The following TEKT5 variants were observed in gnomAD, a reference collection of about 807,000 sequenced individuals.
TEKT5 encodes tektin 5, also known as tektin-5.
Under a neutral mutation model 48.7 loss-of-function variants are expected in TEKT5, and 52 were observed. The ratio of observed to expected loss-of-function variants is 1.07; its 90% CI spans 0.86 to 1.35. TEKT5 has a LOEUF of 1.35. TEKT5 is among the 40% of genes most tolerant of loss of function. The pLI, the probability that TEKT5 is intolerant of heterozygous loss-of-function variation, is 0.00. For missense variants in TEKT5, 831 were observed against 641.6 expected, an observed-to-expected ratio of 1.30 and a Z score of -3.19; for synonymous variants, 318 against 267.6, an observed-to-expected ratio of 1.19 and a Z score of -1.84.
At chr16:10,668,469 G>C (rs1366150866) in intron 5 of TEKT5, among the ~76,000 whole-genome samples, 1 of 152,160 alleles carries the variant, frequency 6.6e-6, no homozygotes, top group Non-Finnish European at 1.5e-5. Flanking sequence ...TTGGCTGCAG[G>C]CTCCAGTGCT....
intron 5 of TEKT5, among the ~76,000 whole-genome samples, chr16:10,653,631 G>A (rs952373061): frequency 1.3e-5 from 2 of 152,164 alleles, no homozygotes; most frequent in African/African-American, 2.4e-5. Flanking sequence ...TAACTTGCCC[G>A]GCCAGGTGTG....
chr16:10,692,227 G>C (rs1009211309), intron 1 of TEKT5, among the ~76,000 whole-genome samples: 1 of 152,176 alleles, frequency 6.6e-6, no homozygotes, highest in Non-Finnish European at 1.5e-5. Flanking sequence ...ATGGGAGGGA[G>C]AGCAGTAGGT....
chr16:10,676,228 A>C lies in TEKT5; in HGVS notation c.864-47T>G, dbSNP rs1283264497. 3.1e-6 allele frequency: 5 copies of C among 1,590,212 alleles called. No homozygotes were observed. The East Asian group carries it at 1.1e-4, about 36-fold the overall frequency. On this transcript the variant is annotated intron_variant, in intron 4 of 6. Transcript: ENST00000283025. ...TTGCAGCAGTCCTGGAAGACCTCAG[A>C]ATCTGTGGTTTCTCCGCCTTGGCAG...
At position 10,694,457 on chromosome 16, in the gene TEKT5, C is replaced by T; in HGVS notation, c.417G>A (p.Arg139=). 1 of 1,614,040 alleles carries T rather than the reference C, an allele frequency of 6.2e-7. No individual in the cohort carries two copies. Among genetic ancestry groups the T allele is most frequent in the East Asian group, 2.2e-5 (1 of 44,896 alleles). Residue 139 remains arginine, a synonymous_variant, in exon 1 of 7, where the codon CGG becomes CGA. Transcript: ENST00000283025. ...TGTCCGACAGCCTCTGGCCCAGGTT[C>T]CGGCAGGTGCCCTCCTGCATCTGGT... ...LTHQMQEGTC[R]NLGQRLSDIG...
rs1443856673 is a variant in TEKT5, at chr16:10,694,336, C to T, written c.538G>A (p.Ala180Thr). 10 of 1,605,936 alleles carry T rather than the reference C, an allele frequency of 6.2e-6. No individual in the cohort carries two copies. The highest frequency in any genetic ancestry group is 1.3e-5 in the African/African-American group (1 of 74,848). ...TGCAATGGGCAGTTCACCTCATTGG[C>T]CGCGCACTCCAGCCGCCTCTTGACC... ...ETVKRRLECAANEVNCPLQVA... is the reference protein window; with the variant it reads ...ETVKRRLECATNEVNCPLQVA... Residue 180 changes from alanine to threonine, a missense_variant, in exon 1 of 7, where the codon GCC becomes ACC. By Grantham distance (58) the Ala-to-Thr change is moderately conservative. Coordinates refer to ENST00000283025, the MANE Select transcript of TEKT5 (RefSeq NM_144674.2).
Position 10,637,451 on chromosome 16 carries a change from G to A in TEKT5, c.1087-1533C>T, listed in dbSNP as rs556981014. Among the ~76,000 whole-genome samples the A allele has an allele frequency of 3.3e-5, 5 of 151,674 alleles. No homozygotes were observed. The South Asian group carries it at 1.0e-3, about 32-fold the overall frequency. ...AGAAGGGAGGGAGGGGAGGAGGAAG[G>A]AGGAGGGGAGAGGGGAGAGGAAGGG... On this transcript the variant is annotated intron_variant, in intron 5 of 6. Transcript: ENST00000283025.
chr16:10,631,832 C>A (rs1343793194), intron 6 of TEKT5, among the ~76,000 whole-genome samples: 3 of 152,146 alleles, frequency 2.0e-5, no homozygotes, highest in Non-Finnish European at 4.4e-5. Flanking sequence ...TCTCTCAGAG[C>A]CTCCAGGAAC....
At chr16:10,687,302 C>T (rs1596420487) in intron 3 of TEKT5, among the ~76,000 whole-genome samples, 7 of 152,108 alleles carry the variant, frequency 4.6e-5, no homozygotes, top group Admixed American at 4.6e-4. Context: ...CACGTAATTT[C>T]AGAACATCAT....
In TEKT5 at chr16:10,682,745, G is replaced by C. The variant is rs146666377; in HGVS notation, c.720-609C>G. Among the ~76,000 whole-genome samples the C allele has an allele frequency of 1.4e-4, 21 of 152,332 alleles. No individual in the cohort carries two copies. In the East Asian group the frequency reaches 4.0e-3, roughly 29 times the overall value. ...TGCAACTACTCAACTGTGCACGAGA[G>C]CAGTCGCAGATATGTAAAAATCCAT... On this transcript the variant is annotated intron_variant, in intron 3 of 6. Coordinates refer to ENST00000283025, the MANE Select transcript of TEKT5 (RefSeq NM_144674.2).
At chr16:10,661,253 C>A (rs912762531) in intron 5 of TEKT5, among the ~76,000 whole-genome samples, 4 of 152,172 alleles carry the variant, frequency 2.6e-5, no homozygotes, top group African/African-American at 9.6e-5. Flanking sequence ...GGGGAAATCA[C>A]AATCCCCCAA....
At chr16:10,638,907 G>C (rs146020578) in intron 5 of TEKT5, among the ~76,000 whole-genome samples, 18 of 152,310 alleles carry the variant, frequency 1.2e-4, no homozygotes, top group African/African-American at 4.3e-4. Context: ...GCAAGTGATG[G>C]GGGTAATTAA....
At chr16:10,685,517 G>A (rs142196085) in intron 3 of TEKT5, among the ~76,000 whole-genome samples, 44 of 152,056 alleles carry the variant, frequency 2.9e-4, no homozygotes, top group African/African-American at 9.9e-4. Context: ...GACTGGTCTC[G>A]AACTCCTGAC....
At chr16:10,668,433 G>A (rs2719689) in intron 5 of TEKT5, among the ~76,000 whole-genome samples, 34 of 152,290 alleles carry the variant, frequency 2.2e-4, no homozygotes, top group South Asian at 1.5e-3. Flanking sequence ...GGGCTGGGCC[G>A]GTTTTAGAAA....
At chr16:10,632,661 G>A (rs1274466594) in intron 6 of TEKT5, among the ~76,000 whole-genome samples, 1 of 151,966 alleles carries the variant, frequency 6.6e-6, no homozygotes, top group Non-Finnish European at 1.5e-5. Flanking sequence ...CCTAGTGATT[G>A]GAGTAGGTCA....
In TEKT5 at chr16:10,694,467, C is replaced by T; in HGVS notation, c.407G>A (p.Gly136Asp). 6.2e-7 allele frequency: 1 copy of T among 1,614,076 alleles called. No homozygotes were observed. The highest frequency in any genetic ancestry group is 2.2e-5 in the East Asian group (1 of 44,874). Residue 136 changes from glycine to aspartate, a missense_variant, in exon 1 of 7, where the codon GGC (glycine) becomes GAC (aspartate). Gly to Asp is a moderately conservative substitution (Grantham distance 94). Transcript: ENST00000283025. ...CCTCTGGCCCAGGTTCCGGCAGGTG[C>T]CCTCCTGCATCTGGTGCGTCAGCTG... The part of the protein sequence containing the change: ...KDQLTHQMQE[G>D]TCRNLGQRLS...
chr16:10,630,359 C>A (rs1897821562), intron 6 of TEKT5, among the ~76,000 whole-genome samples: 1 of 152,066 alleles, frequency 6.6e-6, no homozygotes, highest in Non-Finnish European at 1.5e-5. Context: ...TCTCAGCCTC[C>A]CAAATAGCTG....
At chr16:10,663,952 T>C (rs563427096) in intron 5 of TEKT5, among the ~76,000 whole-genome samples, 1 of 152,286 alleles carries the variant, frequency 6.6e-6, no homozygotes, top group East Asian at 1.9e-4. Context: ...GCATCAGCTG[T>C]TGAGAGGCTG....
In TEKT5 at chr16:10,694,543, A is replaced by G. The variant is rs755276061; in HGVS notation, c.331T>C (p.Trp111Arg). Residue 111 changes from tryptophan to arginine, a missense_variant, in exon 1 of 7, where the codon TGG (tryptophan) becomes CGG (arginine). Trp to Arg is a moderately radical substitution (Grantham distance 101). Coordinates refer to ENST00000283025, the MANE Select transcript of TEKT5 (RefSeq NM_144674.2). ...QVRGAEASRL[W>R]ASRLTDDSMR... ...GAGTCATCCGTCAGCCGGCTGGCCC[A>G]CAGCCGGGAGGCCTCGGCCCCACGC... 6.2e-7 allele frequency: 1 copy of G among 1,606,674 alleles called. No individual in the cohort carries two copies. Among genetic ancestry groups the G allele is most frequent in the South Asian group, 1.1e-5 (1 of 89,910 alleles).
At chr16:10,693,754 G>A (rs574900541) in intron 1 of TEKT5, among the ~76,000 whole-genome samples, 29 of 152,294 alleles carry the variant, frequency 1.9e-4, no homozygotes, top group Non-Finnish European at 3.4e-4. Context: ...AGGTCAAGGC[G>A]GGAAGATCAG....
Sources: gnomAD v4.1 joint callset for allele counts (sites outside exome capture counted in the v4.1 genomes callset) on GRCh38, gnomAD v4.1.1 for gene constraint, MANE v1.5 for transcripts, NCBI Gene and HGNC (gene_info 2026-07-23, HGNC 2026-07-21) for gene names.